The following GMDS variants were observed in gnomAD, a reference collection of about 807,000 sequenced individuals.
GMDS encodes the protein GDP-mannose 4,6-dehydratase.
GMDS carries 20 observed loss-of-function variants against 49.9 expected under a neutral mutation model. The observed-to-expected ratio is 0.40, with a 90% CI of 0.28 to 0.58. The LOEUF (loss-of-function observed/expected upper bound fraction) is 0.58. Among genes scored for constraint, GMDS ranks in the 20% least tolerant of loss-of-function variants. The pLI, the probability that GMDS is intolerant of heterozygous loss-of-function variation, is 0.42. For synonymous variants in GMDS, 177 were observed against 178.6 expected, an observed-to-expected ratio of 0.99 and a Z score of 0.07; for missense variants, 362 against 481.4, an observed-to-expected ratio of 0.75 and a Z score of 2.32.
chr6:2,236,618 T>C (rs181082011), intron 1 of GMDS, among the ~76,000 whole-genome samples: 28 of 152,332 alleles, frequency 1.8e-4, no homozygotes, highest in Admixed American at 1.5e-3. Flanking sequence ...TTCCAATTCA[T>C]CATTTTTAAA....
chr6:1,874,452 C>T (rs575908820), intron 7 of GMDS, among the ~76,000 whole-genome samples: 47 of 152,166 alleles, frequency 3.1e-4, no homozygotes, highest in East Asian at 7.7e-4. Flanking sequence ...CTAAGTACTA[C>T]GTTGGAGTGG....
chr6:2,227,627 C>A (rs1377799340), intron 1 of GMDS, among the ~76,000 whole-genome samples: 1 of 152,212 alleles, frequency 6.6e-6, no homozygotes, highest in Non-Finnish European at 1.5e-5. Context: ...TGAGATTGCA[C>A]TGGATGCAGG....
At chr6:1,687,204 A>G (rs1334803916) in intron 9 of GMDS, among the ~76,000 whole-genome samples, 1 of 152,140 alleles carries the variant, frequency 6.6e-6, no homozygotes, top group Non-Finnish European at 1.5e-5. Context: ...AAACTCCCAT[A>G]ACAGAAACGA....
At chr6:1,706,931 T>C (rs1765761315) in intron 9 of GMDS, among the ~76,000 whole-genome samples, 1 of 152,188 alleles carries the variant, frequency 6.6e-6, no homozygotes, top group Admixed American at 6.5e-5. Flanking sequence ...CTGAAGGAAA[T>C]TGCTTTAAAG....
chr6:1,627,070 G>T (rs1172135626), intron 9 of GMDS, among the ~76,000 whole-genome samples: 1 of 152,218 alleles, frequency 6.6e-6, no homozygotes, highest in African/African-American at 2.4e-5. Flanking sequence ...AAAAGGATGA[G>T]GTCCCCTCAG....
rs1768926057 is a variant in GMDS at position 1,778,355 on chromosome 6, A to C, written c.772-35769T>G. 1.3e-5 allele frequency among the ~76,000 whole-genome samples: 2 copies of C among 152,210 alleles called. No individual in the cohort carries two copies. Among genetic ancestry groups the C allele is most frequent in the Admixed American group, 6.5e-5 (1 of 15,286 alleles). Reference sequence around the variant, plus strand: ...TTTAGGATAATGGAATACTGATTGAAGTCAATTATTATAACACCTGAAAGA... The same window carrying C: ...TTTAGGATAATGGAATACTGATTGACGTCAATTATTATAACACCTGAAAGA... On this transcript the variant is annotated intron_variant, in intron 7 of 10. Transcript: ENST00000380815. The surrounding 1 kb of genome is among the most constrained non-coding windows in gnomAD (Gnocchi z 4.6).
At chr6:1,880,553 T>G (rs1330625840) in intron 7 of GMDS, among the ~76,000 whole-genome samples, 1 of 152,218 alleles carries the variant, frequency 6.6e-6, no homozygotes, top group Non-Finnish European at 1.5e-5. Flanking sequence ...GCACTCTTCC[T>G]TTCCCTAACA....
intron 1 of GMDS, among the ~76,000 whole-genome samples, chr6:2,178,343 T>C (rs543317940): frequency 6.6e-6 from 1 of 152,054 alleles, no homozygotes; most frequent in African/African-American, 2.4e-5. Context: ...CTTACAATCA[T>C]GGTGGAAGGA....
intron 1 of GMDS, among the ~76,000 whole-genome samples, chr6:2,173,323 G>A (rs1778111899): frequency 6.6e-6 from 1 of 152,146 alleles, no homozygotes; most frequent in Admixed American, 6.5e-5. Flanking sequence ...GAAATTAAAG[G>A]AGTTAAAGTA....
At chr6:1,796,337 A>G (rs1248497293) in intron 7 of GMDS, among the ~76,000 whole-genome samples, 2 of 152,224 alleles carry the variant, frequency 1.3e-5, no homozygotes, top group Admixed American at 6.5e-5. Flanking sequence ...GATCTTCAAA[A>G]AATAGGATAA....
At chr6:1,870,856 A>G (rs1024495109) in intron 7 of GMDS, among the ~76,000 whole-genome samples, 3 of 152,236 alleles carry the variant, frequency 2.0e-5, no homozygotes, top group Admixed American at 1.3e-4. Context: ...TAATTAACTT[A>G]TGTGAACAAA....
chr6:1,905,744 T>C (rs1412685719), intron 7 of GMDS, among the ~76,000 whole-genome samples: 2 of 137,974 alleles, frequency 1.4e-5, no homozygotes, highest in East Asian at 4.3e-4. Flanking sequence ...GGCGTGTAGG[T>C]GGGACCTCAA....
intron 4 of GMDS, among the ~76,000 whole-genome samples, chr6:2,033,036 T>C (rs1361807873): frequency 6.6e-6 from 1 of 152,242 alleles, no homozygotes; most frequent in Admixed American, 6.5e-5. Context: ...AAGGAAAAAG[T>C]ATGTTAAATC....
intron 4 of GMDS, among the ~76,000 whole-genome samples, chr6:2,090,496 T>C (rs914146918): frequency 1.3e-5 from 2 of 152,224 alleles, no homozygotes; most frequent in Admixed American, 6.5e-5. Context: ...TATCAACAAA[T>C]CTCTTACATT....
chr6:1,965,083 T>A (rs1459293151), intron 4 of GMDS, among the ~76,000 whole-genome samples: 1 of 23,726 alleles, frequency 4.2e-5, no homozygotes, highest in Non-Finnish European at 9.8e-5. Flanking sequence ...GTTCCAGGTC[T>A]TTGGGTTAGT....
In GMDS at chr6:1,671,467, T is replaced by C. The variant is rs78644099; in HGVS notation, c.988-46927A>G. Reference sequence around the variant, plus strand: ...CGCACCCCACCACAAAAGGCTACTCTACTAAAGGGCATTATTATTTTCTGG... The same window carrying C: ...CGCACCCCACCACAAAAGGCTACTCCACTAAAGGGCATTATTATTTTCTGG... On this transcript the variant is annotated intron_variant, in intron 9 of 10. Coordinates refer to ENST00000380815, the MANE Select transcript of GMDS (RefSeq NM_001500.4). Among the ~76,000 whole-genome samples, 105 of 152,120 alleles carry C rather than the reference T, an allele frequency of 6.9e-4. 1 individual carries two copies. The East Asian group carries it at 0.019, about 28-fold the overall frequency.
chr6:1,672,555 C>T (rs1368460930), intron 9 of GMDS, among the ~76,000 whole-genome samples: 1 of 152,178 alleles, frequency 6.6e-6, no homozygotes, highest in Non-Finnish European at 1.5e-5. Flanking sequence ...TGCCTGGTTT[C>T]CTTAATAAGC....
intron 9 of GMDS, among the ~76,000 whole-genome samples, chr6:1,659,487 T>C (rs1277178269): frequency 6.6e-6 from 1 of 152,046 alleles, no homozygotes; most frequent in African/African-American, 2.4e-5. Flanking sequence ...GCTTTGGGTG[T>C]GATAGGGTGT....
At position 1,811,674 on chromosome 6, in the gene GMDS, G is replaced by A. The variant is rs115941158; in HGVS notation, c.772-69088C>T. Reference sequence around the variant, plus strand: ...TGAAACATCTACAGGCACAACCTTCGTGCCTCACTGAAAGATGCAAATACT... The same window carrying A: ...TGAAACATCTACAGGCACAACCTTCATGCCTCACTGAAAGATGCAAATACT... On this transcript the variant is annotated intron_variant, in intron 7 of 10. Transcript: ENST00000380815. Among the ~76,000 whole-genome samples, 1,028 of 150,250 alleles carry A rather than the reference G, an allele frequency of 6.8e-3. 7 individuals are homozygous for A. The highest frequency in any genetic ancestry group is 0.021 in the Middle Eastern group (6 of 282).
Sources: allele counts gnomAD v4.1 joint callset (sites outside exome capture counted in the v4.1 genomes callset), GRCh38; gene constraint gnomAD v4.1.1; non-coding constraint Gnocchi (gnomAD v3.1); transcripts MANE v1.5; gene names NCBI Gene and HGNC (gene_info 2026-07-23, HGNC 2026-07-21).